Variants in HECW2 observed in about 807,000 individuals in gnomAD.
The protein encoded by HECW2 is E3 ubiquitin-protein ligase HECW2.
A neutral mutation model predicts 175.2 loss-of-function variants in HECW2; 61 were observed. That is an observed-to-expected ratio of 0.35 (90% CI 0.28 to 0.43). The LOEUF (loss-of-function observed/expected upper bound fraction) is 0.43. Ranked by LOEUF, HECW2 falls within the 20% of genes least tolerant of loss-of-function variation. The probability of loss-of-function intolerance (pLI) is 1.00; values close to 1 mark genes in which losing one functional copy is unlikely to be tolerated. For missense variants in HECW2, 1,524 were observed against 2,000.5 expected, an observed-to-expected ratio of 0.76 and a Z score of 4.54; for synonymous variants, 671 against 731.0, an observed-to-expected ratio of 0.92 and a Z score of 1.32.
At chr2:196,413,808 TTC>T (rs1695180757) in intron 2 of HECW2, among the ~76,000 whole-genome samples, 1 of 152,228 alleles carries the variant, frequency 6.6e-6, no homozygotes, top group African/African-American at 2.4e-5. Flanking sequence ...TCTCCCTGTA[TTC>T]TCTGAGGTTT....
chr2:196,562,083 T>C (rs987822943), intron 1 of HECW2, among the ~76,000 whole-genome samples: 1 of 152,200 alleles, frequency 6.6e-6, no homozygotes, highest in Non-Finnish European at 1.5e-5. Flanking sequence ...TAAAACACTC[T>C]TGTAGCCAAG....
chr2:196,335,063 A>C (rs1692502669), intron 3 of HECW2, among the ~76,000 whole-genome samples: 1 of 152,212 alleles, frequency 6.6e-6, no homozygotes, highest in African/African-American at 2.4e-5. Context: ...AAAGCATGGA[A>C]GTATACTGTA....
chr2:196,286,828 C>A (rs566079238), intron 14 of HECW2, among the ~76,000 whole-genome samples: 1 of 152,278 alleles, frequency 6.6e-6, no homozygotes, highest in East Asian at 1.9e-4. Context: ...GTCAAGTAGA[C>A]AACATATTTT....
At chr2:196,522,822 T>A (rs2125437799) in intron 1 of HECW2, among the ~76,000 whole-genome samples, 1 of 152,268 alleles carries the variant, frequency 6.6e-6, no homozygotes, top group Non-Finnish European at 1.5e-5. Flanking sequence ...GGCTCTGTTC[T>A]GTTCCATTGA....
At chr2:196,285,171 C>CT (rs1200011103) in intron 14 of HECW2, among the ~76,000 whole-genome samples, 1 of 151,828 alleles carries the variant, frequency 6.6e-6, no homozygotes, top group Non-Finnish European at 1.5e-5. Context: ...TTTCTTTTTT[C>CT]TTTTTTTAAA....
intron 1 of HECW2, among the ~76,000 whole-genome samples, chr2:196,555,441 C>A (rs1434695142): frequency 6.6e-6 from 1 of 152,158 alleles, no homozygotes; most frequent in Non-Finnish European, 1.5e-5. Flanking sequence ...CCTCCTAATA[C>A]CATCACATTG....
rs529885115 is a variant in HECW2, at chr2:196,441,503, T to C, written c.-35-8045A>G. On this transcript the variant is annotated intron_variant, in intron 1 of 28. Coordinates refer to ENST00000644978, the MANE Select transcript of HECW2 (RefSeq NM_001348768.2). ...TGAAAAACTACATTTATAGTCAAGATATAATTAGCCTGCAGTAAGTAGAGA... is the reference window on the plus strand; with the variant it reads ...TGAAAAACTACATTTATAGTCAAGACATAATTAGCCTGCAGTAAGTAGAGA... Among the ~76,000 whole-genome samples, 275 of 152,252 alleles carry C rather than the reference T, an allele frequency of 1.8e-3. 1 individual carries two copies. Among genetic ancestry groups the C allele is most frequent in the African/African-American group, 6.1e-3 (255 of 41,544 alleles).
At chr2:196,230,162 T>A (rs80075598) in intron 21 of HECW2, among the ~76,000 whole-genome samples, 2,767 of 152,240 alleles carry the variant, frequency 0.018, 84 homozygotes, top group African/African-American at 0.063. Flanking sequence ...ACCCTCAGGT[T>A]ACTCTGAGGA....
Position 196,197,077 on chromosome 2 carries a change from T to TCAAA in HECW2, c.*4196_*4199dup, listed in dbSNP as rs550257813. 18 of 152,212 alleles carry TCAAA rather than the reference T, an allele frequency of 1.2e-4. No individual in the cohort carries two copies. The highest frequency in any genetic ancestry group is 1.2e-3 in the East Asian group (6 of 5,184). The allele number at this position is 152,212 out of a possible 1,614,324, so 9.4% of individuals were successfully genotyped here. A position where few individuals can be genotyped will look rare whatever the true frequency, so the allele number is the denominator to read the frequency against. The stretch of plus-strand genomic sequence containing the variant: ...GCCTGGATGACAGAGCCAGACTGTC[T>TCAAA]CAAACAAACAAACAAAGAAAGCAAA... On this transcript the variant is annotated 3_prime_UTR_variant, in exon 29 of 29. Coordinates refer to ENST00000644978, the MANE Select transcript of HECW2 (RefSeq NM_001348768.2).
intron 13 of HECW2, among the ~76,000 whole-genome samples, chr2:196,298,268 C>T (rs777916124): frequency 6.6e-6 from 1 of 152,032 alleles, no homozygotes; most frequent in Non-Finnish European, 1.5e-5. Flanking sequence ...CAAGAGAAAT[C>T]GTTTGTCAGG....
intron 1 of HECW2, among the ~76,000 whole-genome samples, chr2:196,574,490 C>T (rs988518228): frequency 1.3e-5 from 2 of 151,594 alleles, no homozygotes; most frequent in African/African-American, 2.4e-5. Context: ...AGGTGAAAGA[C>T]TTGTGCATCA....
intron 27 of HECW2, among the ~76,000 whole-genome samples, chr2:196,216,336 G>A (rs189860355): frequency 2.6e-5 from 4 of 151,882 alleles, no homozygotes; most frequent in Non-Finnish European, 4.4e-5. Flanking sequence ...GATCAATGTC[G>A]GGTGAATTTA....
At chr2:196,442,832 T>C (rs781190576) in intron 1 of HECW2, among the ~76,000 whole-genome samples, 2 of 152,174 alleles carry the variant, frequency 1.3e-5, no homozygotes, top group Non-Finnish European at 1.5e-5. Context: ...AGATATATAA[T>C]AATGTTATTT....
At chr2:196,396,974 G>A (rs548463691) in intron 2 of HECW2, among the ~76,000 whole-genome samples, 248 of 152,088 alleles carry the variant, frequency 1.6e-3, no homozygotes, top group Non-Finnish European at 2.5e-3. Context: ...ATAGCCAGGC[G>A]TGGTGGCGGG....
rs1435265322 is a variant in HECW2 at position 196,198,214 on chromosome 2, G to A, written c.*3063C>T. The A allele has an allele frequency of 6.6e-6, 1 of 151,956 alleles. No individual in the cohort carries two copies. Among genetic ancestry groups the A allele is most frequent in the African/African-American group, 2.4e-5 (1 of 41,354 alleles). 9.4% of individuals were successfully genotyped at this position (151,956 alleles called of 1,614,324 possible). On this transcript the variant is annotated 3_prime_UTR_variant, in exon 29 of 29. Coordinates refer to ENST00000644978, the MANE Select transcript of HECW2 (RefSeq NM_001348768.2). ...AAAATCTTTGAGTTGCTCCTTCACA[G>A]ATCAGCTCCCTACACACTTTACACT...
At chr2:196,261,471 A>G (rs937553531) in intron 17 of HECW2, among the ~76,000 whole-genome samples, 1 of 152,234 alleles carries the variant, frequency 6.6e-6, no homozygotes, top group Non-Finnish European at 1.5e-5. Flanking sequence ...TTATCAAACC[A>G]ATGAATCAGT....
chr2:196,267,294 A>G (rs1294106942), intron 17 of HECW2, among the ~76,000 whole-genome samples: 1 of 152,242 alleles, frequency 6.6e-6, no homozygotes, highest in Non-Finnish European at 1.5e-5. Flanking sequence ...TGTGCATTAC[A>G]TTCACCTATA....
intron 5 of HECW2, among the ~76,000 whole-genome samples, chr2:196,329,029 T>C (rs933222503): frequency 6.6e-6 from 1 of 152,100 alleles, no homozygotes; most frequent in African/African-American, 2.4e-5. Context: ...TGATTTTAAC[T>C]AAATCAAACT....
chr2:196,514,093 C>T (rs1426994329), intron 1 of HECW2, among the ~76,000 whole-genome samples: 1 of 152,190 alleles, frequency 6.6e-6, no homozygotes, highest in East Asian at 1.9e-4. Flanking sequence ...GGGCTGCAGA[C>T]CCAGGCTTCC....
Sources: gnomAD v4.1 joint callset for allele counts (sites outside exome capture counted in the v4.1 genomes callset) on GRCh38, gnomAD v4.1.1 for gene constraint, MANE v1.5 for transcripts, NCBI Gene and HGNC (gene_info 2026-07-23, HGNC 2026-07-21) for gene names.